Variants in ERGIC1 observed in about 807,000 individuals in gnomAD.
The protein encoded by ERGIC1 is endoplasmic reticulum-golgi intermediate compartment 1.
ERGIC1 carries 19 observed loss-of-function variants against 38.3 expected under a neutral mutation model. That is an observed-to-expected ratio of 0.50 (90% CI 0.35 to 0.73). The LOEUF (loss-of-function observed/expected upper bound fraction) is 0.73, where lower values mean the gene tolerates loss of function less well. Among genes scored for constraint, ERGIC1 ranks in the 30% least tolerant of loss-of-function variants. The pLI, the probability that ERGIC1 is intolerant of heterozygous loss-of-function variation, is 0.01. For synonymous variants in ERGIC1, 124 were observed against 157.6 expected (o/e 0.79, Z 1.60); for missense variants, 294 against 389.2 (o/e 0.76, Z 2.06).
Position 172,834,472 on chromosome 5 carries a change from GC to G in ERGIC1, c.20+40del. 1 of 1,299,894 alleles carries G rather than the reference GC, an allele frequency of 7.7e-7. No homozygotes were observed. The highest frequency in any genetic ancestry group is 9.8e-7 in the Non-Finnish European group (1 of 1,021,412). 80.5% of individuals were successfully genotyped at this position (1,299,894 alleles called of 1,614,324 possible). A position where few individuals can be genotyped will look rare whatever the true frequency, so the allele number is the denominator to read the frequency against. On this transcript the variant is annotated intron_variant, in intron 1 of 9. Transcript: ENST00000393784. The surrounding 1 kb of genome is among the most constrained non-coding windows in gnomAD (Gnocchi z 4.1). ...CCCCGGCCAGTCGGGAGTTCCCTCA[GC>G]GGGCAGAGGGAGCGCCCCGGCACGC...
Position 172,834,912 on chromosome 5 carries a change from C to T in ERGIC1, c.20+479C>T, listed in dbSNP as rs1760997874. Among the ~76,000 whole-genome samples the T allele has an allele frequency of 6.6e-6, 1 of 152,202 alleles. No individual in the cohort carries two copies. Among genetic ancestry groups the T allele is most frequent in the African/African-American group, 2.4e-5 (1 of 41,464 alleles). ...CTGGAGGGTTTTAAGTTTCTATAGC[C>T]TGAGGCTCCCCCAGGCCGGGCAGAT... On this transcript the variant is annotated intron_variant, in intron 1 of 9. Transcript: ENST00000393784. The surrounding 1 kb of genome is among the most constrained non-coding windows in gnomAD (Gnocchi z 4.1).
At chr5:172,893,240 C>T (rs1026965769) in intron 2 of ERGIC1, among the ~76,000 whole-genome samples, 3 of 150,548 alleles carry the variant, frequency 2.0e-5, no homozygotes, top group East Asian at 2.0e-4. Flanking sequence ...CTCCGCCTCT[C>T]GGATTCAAGT....
chr5:172,903,635 T>TA (rs2113345633), intron 3 of ERGIC1, among the ~76,000 whole-genome samples: 1 of 152,284 alleles, frequency 6.6e-6, no homozygotes, highest in Admixed American at 6.5e-5. Flanking sequence ...ATAATAATGA[T>TA]AAAAACCATG....
chr5:172,896,986 C>A lies in ERGIC1; in HGVS notation c.83-16C>A. On this transcript the variant is annotated splice_polypyrimidine_tract_variant and intron_variant, in intron 2 of 9. Transcript: ENST00000393784. ...CCACCACCCTTAACAGTTTGCATTT[C>A]TGTTGTTTCTTCCAGTCTCCATCTG... 6.2e-7 allele frequency: 1 copy of A among 1,613,742 alleles called. No homozygotes were observed. The highest frequency in any genetic ancestry group is 1.3e-5 in the African/African-American group (1 of 75,052).
rs887159251 is a variant in ERGIC1, at chr5:172,837,351, C to A, written c.20+2918C>A. Among the ~76,000 whole-genome samples, 15 of 152,214 alleles carry A rather than the reference C, an allele frequency of 9.9e-5. No individual in the cohort carries two copies. Among genetic ancestry groups the A allele is most frequent in the Non-Finnish European group, 2.2e-4 (15 of 68,036 alleles). ...TTTAGACACAGAGTAAGCGCCTCAT[C>A]CATTTTGGCCGCCATATTTATTTGT... is the stretch of plus-strand genomic sequence containing the variant. On this transcript the variant is annotated intron_variant, in intron 1 of 9. Coordinates refer to ENST00000393784, the MANE Select transcript of ERGIC1 (RefSeq NM_001031711.3). This position sits in a 1 kb window ranked among gnomAD's most constrained non-coding sequence, Gnocchi z 4.3.
At chr5:172,929,374 C>T (rs746871246) in intron 7 of ERGIC1, among the ~76,000 whole-genome samples, 4 of 151,904 alleles carry the variant, frequency 2.6e-5, no homozygotes, top group Non-Finnish European at 5.9e-5. Flanking sequence ...GAAGATTTTG[C>T]GGGTAGGGGA....
chr5:172,920,693 G>A, intron 5 of ERGIC1: 2 of 499,066 alleles, frequency 4.0e-6, no homozygotes, highest in South Asian at 4.3e-5. Flanking sequence ...GGCAGGGGTG[G>A]CAGGTGCTGA....
At chr5:172,857,963 G>A (rs1416614066) in intron 1 of ERGIC1, among the ~76,000 whole-genome samples, 7 of 152,148 alleles carry the variant, frequency 4.6e-5, no homozygotes, top group Non-Finnish European at 1.0e-4. Context: ...GGTGGTGAAC[G>A]GCAGGGATAT....
chr5:172,929,877 A>C (rs1428229861), intron 7 of ERGIC1, among the ~76,000 whole-genome samples: 1 of 152,150 alleles, frequency 6.6e-6, no homozygotes, highest in African/African-American at 2.4e-5. Flanking sequence ...TGAAAAGTTG[A>C]TCATGATGTT....
At chr5:172,890,231 C>T (rs1762524914) in intron 2 of ERGIC1, among the ~76,000 whole-genome samples, 1 of 152,170 alleles carries the variant, frequency 6.6e-6, no homozygotes, top group African/African-American at 2.4e-5. Flanking sequence ...GGAAAACTCA[C>T]AATCCCAGGT....
chr5:172,906,296 G>C, intron 3 of ERGIC1: 2 of 388,388 alleles, frequency 5.1e-6, no homozygotes, highest in Non-Finnish European at 1.0e-5. Context: ...CTGTGGAAAG[G>C]CTGGGTTGAG....
intron 5 of ERGIC1, among the ~76,000 whole-genome samples, chr5:172,918,617 A>G (rs1231948598): frequency 6.6e-6 from 1 of 152,248 alleles, no homozygotes. Flanking sequence ...CTTGGAATGG[A>G]CAGTGATCTA....
intron 9 of ERGIC1, among the ~76,000 whole-genome samples, chr5:172,938,215 G>A (rs74974310): frequency 6.6e-6 from 1 of 152,258 alleles, no homozygotes; most frequent in Non-Finnish European, 1.5e-5. Context: ...GGGTCTTGGT[G>A]CTGATTCTTA....
At chr5:172,867,860 A>G (rs1288134728) in intron 1 of ERGIC1, among the ~76,000 whole-genome samples, 1 of 152,162 alleles carries the variant, frequency 6.6e-6, no homozygotes, top group Admixed American at 6.5e-5. Context: ...GGTTTTTTCT[A>G]CATTTCAATT....
chr5:172,909,529 G>T, intron 3 of ERGIC1, 138 bp from the exon 4 acceptor site: 1 of 732,518 alleles, frequency 1.4e-6, no homozygotes. Context: ...TGAGGGCACA[G>T]GAGGTGCAGG....
Position 172,834,755 on chromosome 5 carries a change from C to T in ERGIC1, c.20+322C>T, listed in dbSNP as rs1347897630. 1.3e-5 allele frequency among the ~76,000 whole-genome samples: 2 copies of T among 152,154 alleles called. No homozygotes were observed. Among genetic ancestry groups the T allele is most frequent in the African/African-American group, 2.4e-5 (1 of 41,438 alleles). On this transcript the variant is annotated intron_variant, in intron 1 of 9. Coordinates refer to ENST00000393784, the MANE Select transcript of ERGIC1 (RefSeq NM_001031711.3). This position sits in a 1 kb window ranked among gnomAD's most constrained non-coding sequence, Gnocchi z 4.1. Reference sequence around the variant, plus strand: ...CCTCCCTCCTCCCAGATGGGAACAGCCCATAACACCCCAGCATCCCTCTCC... The same window carrying T: ...CCTCCCTCCTCCCAGATGGGAACAGTCCATAACACCCCAGCATCCCTCTCC...
chr5:172,942,539 G>C (rs1213083717), intron 9 of ERGIC1, among the ~76,000 whole-genome samples: 1 of 152,146 alleles, frequency 6.6e-6, no homozygotes, highest in African/African-American at 2.4e-5. Context: ...TGTACACCTT[G>C]GTCCACCCCC....
In ERGIC1 at chr5:172,894,440, C is replaced by A. The variant is rs562498997; in HGVS notation, c.83-2562C>A. On this transcript the variant is annotated intron_variant, in intron 2 of 9. Coordinates refer to ENST00000393784, the MANE Select transcript of ERGIC1 (RefSeq NM_001031711.3). ...CGAACTCTTGACTTCGTGATCCGCC[C>A]GCCTCGGCCTCCCAAAGTGCTGGGG... 1.3e-4 allele frequency among the ~76,000 whole-genome samples: 19 copies of A among 151,944 alleles called. 1 individual carries two copies. The South Asian group carries it at 4.0e-3, about 32-fold the overall frequency.
At chr5:172,944,135 T>G (rs1764068847) in intron 9 of ERGIC1, among the ~76,000 whole-genome samples, 1 of 152,204 alleles carries the variant, frequency 6.6e-6, no homozygotes, top group Non-Finnish European at 1.5e-5. Flanking sequence ...TGTTTTTGTT[T>G]CTGGAGCTGT....
Sources: allele counts gnomAD v4.1 joint callset (sites outside exome capture counted in the v4.1 genomes callset), GRCh38; gene constraint gnomAD v4.1.1; non-coding constraint Gnocchi (gnomAD v3.1); transcripts MANE v1.5; gene names NCBI Gene and HGNC (gene_info 2026-07-23, HGNC 2026-07-21).